ULK2: variants seen among roughly 807,000 people sequenced by gnomAD.
The protein encoded by ULK2 is unc-51 like autophagy activating kinase 2.
Under a neutral mutation model 127.5 loss-of-function variants are expected in ULK2, and 76 were observed. That is an observed-to-expected ratio of 0.60 (90% CI 0.50 to 0.72). The LOEUF is 0.72. Ranked by LOEUF, ULK2 falls within the 30% of genes least tolerant of loss-of-function variation. ULK2 has a pLI of 0.00. For synonymous variants in ULK2, 452 were observed against 461.9 expected, an observed-to-expected ratio of 0.98 and a Z score of 0.28; for missense variants, 1,144 against 1,295.9, an observed-to-expected ratio of 0.88 and a Z score of 1.80.
intron 8 of ULK2, among the ~76,000 whole-genome samples, chr17:19,841,756 C>CA (rs1238666070): frequency 2.0e-5 from 3 of 151,980 alleles, no homozygotes; most frequent in Non-Finnish European, 4.4e-5. Context: ...CATAGACTAT[C>CA]AACTTGAAAG....
chr17:19,853,545 A>G (rs1240367658), intron 3 of ULK2, among the ~76,000 whole-genome samples: 1 of 151,836 alleles, frequency 6.6e-6, no homozygotes, highest in Non-Finnish European at 1.5e-5. Flanking sequence ...AAAAGAGAAA[A>G]GAAACATTCC....
chr17:19,795,962 G>A lies in ULK2; in HGVS notation c.1997+133C>T, dbSNP rs546890007. ...TGGTTTTCAGAGATTCTAAATGTAC[G>A]TGGTACATATCAATAACCATATGGC... is the stretch of plus-strand genomic sequence containing the variant. On this transcript the variant is annotated intron_variant, in intron 19 of 26. Coordinates refer to ENST00000395544, the MANE Select transcript of ULK2 (RefSeq NM_014683.4). 5.1e-4 allele frequency: 628 copies of A among 1,243,430 alleles called. 4 individuals are homozygous for A. The East Asian group carries it at 7.7e-3, about 15-fold the overall frequency. 77.0% of individuals were successfully genotyped at this position (1,243,430 alleles called of 1,614,324 possible).
chr17:19,820,190 A>C (rs1032845933), intron 12 of ULK2, among the ~76,000 whole-genome samples: 1 of 152,006 alleles, frequency 6.6e-6, no homozygotes, highest in East Asian at 1.9e-4. Context: ...CTGGAACTAC[A>C]GGCGCGCCCC....
chr17:19,835,853 G>A (rs1290718596), intron 10 of ULK2, among the ~76,000 whole-genome samples: 1 of 152,028 alleles, frequency 6.6e-6, no homozygotes, highest in Non-Finnish European at 1.5e-5. Flanking sequence ...TAGGAACAAT[G>A]GCTCATACCT....
At chr17:19,820,537 C>T (rs570176214) in intron 12 of ULK2, among the ~76,000 whole-genome samples, 1 of 152,296 alleles carries the variant, frequency 6.6e-6, no homozygotes, top group African/African-American at 2.4e-5. Context: ...TATATTTGAG[C>T]TATCCACTAT....
At chr17:19,845,791 G>A (rs188138) in intron 6 of ULK2, among the ~76,000 whole-genome samples, 5,974 of 152,146 alleles carry the variant, frequency 0.039, 307 homozygotes, top group East Asian at 0.24. Flanking sequence ...AGATCCCTAC[G>A]TCAAAAGCCT....
At chr17:19,837,230 C>T (rs1020873917) in intron 10 of ULK2, among the ~76,000 whole-genome samples, 1 of 151,924 alleles carries the variant, frequency 6.6e-6, no homozygotes, top group Non-Finnish European at 1.5e-5. Flanking sequence ...TCAGCCTGGG[C>T]AACATGACGA....
intron 17 of ULK2, among the ~76,000 whole-genome samples, chr17:19,798,945 A>G (rs2087334205): frequency 1.3e-5 from 2 of 151,760 alleles, no homozygotes; most frequent in Non-Finnish European, 2.9e-5. Context: ...GGTGTATCAC[A>G]GGGTCAGGAG....
chr17:19,827,858 C>T (rs2041333988), intron 10 of ULK2, among the ~76,000 whole-genome samples: 3 of 151,316 alleles, frequency 2.0e-5, no homozygotes, highest in Middle Eastern at 3.4e-3. Context: ...TGCGGTGAGC[C>T]GAGAACCTGC....
chr17:19,814,700 C>A (rs1236184652), intron 13 of ULK2, among the ~76,000 whole-genome samples: 3 of 151,878 alleles, frequency 2.0e-5, no homozygotes, highest in Non-Finnish European at 4.4e-5. Context: ...GTGTGCACCA[C>A]CACGTCTGGC....
intron 18 of ULK2, among the ~76,000 whole-genome samples, 153 bp downstream of exon 18, chr17:19,797,243 G>A (rs1025273673): frequency 4.6e-5 from 7 of 152,204 alleles, no homozygotes; most frequent in Non-Finnish European, 8.8e-5. Flanking sequence ...GTTGTGATGA[G>A]CTGAGGTTGT....
chr17:19,802,911 A>G (rs138554028), intron 15 of ULK2, among the ~76,000 whole-genome samples: 2 of 152,332 alleles, frequency 1.3e-5, no homozygotes, highest in African/African-American at 4.8e-5. Flanking sequence ...AGATATTCCA[A>G]TGCTGATACA....
chr17:19,848,929 C>T (rs980732847), intron 5 of ULK2, among the ~76,000 whole-genome samples: 1 of 152,108 alleles, frequency 6.6e-6, no homozygotes, highest in Non-Finnish European at 1.5e-5. Context: ...TTAAATGTTA[C>T]CTTTAATGCC....
intron 6 of ULK2, among the ~76,000 whole-genome samples, chr17:19,846,043 T>TAGTG: frequency 6.6e-6 from 1 of 152,176 alleles, no homozygotes; most frequent in African/African-American, 2.4e-5. Flanking sequence ...GGAGAATCTC[T>TAGTG]TGAACCTGGG....
rs1051704944 is a variant in ULK2, at chr17:19,865,913, C to A, written c.91-85G>T. ...TTTACAAGCGCGAAGGTGTTTTTGG[C>A]AAATAAATGTACGGCATTGGGGAAA... On this transcript the variant is annotated intron_variant, in intron 1 of 26. Transcript: ENST00000395544. 1.4e-5 allele frequency: 10 copies of A among 735,712 alleles called. No individual in the cohort carries two copies. In the Admixed American group the frequency reaches 1.8e-4, roughly 13 times the overall value. 45.6% of individuals were successfully genotyped at this position (735,712 alleles called of 1,614,324 possible).
intron 23 of ULK2, 45 bp from the exon 24 acceptor site, chr17:19,781,149 G>A (rs750134875): frequency 1.9e-6 from 3 of 1,552,362 alleles, no homozygotes; most frequent in Non-Finnish European, 2.7e-6. Context: ...GTGAACTAAT[G>A]TAAGATGTGG....
At chr17:19,791,163 G>A (rs1303839061) in intron 20 of ULK2, among the ~76,000 whole-genome samples, 2 of 152,216 alleles carry the variant, frequency 1.3e-5, no homozygotes, top group Non-Finnish European at 2.9e-5. Context: ...GATATTTACA[G>A]AACGTTTCAC....
intron 15 of ULK2, among the ~76,000 whole-genome samples, chr17:19,802,515 A>G (rs2087422622): frequency 6.6e-6 from 1 of 152,220 alleles, no homozygotes; most frequent in Admixed American, 6.5e-5. Context: ...TATTTTTATA[A>G]ATTTCTAATG....
At chr17:19,856,126 A>C (rs1189643064) in intron 3 of ULK2, 1 of 152,198 alleles carries the variant, frequency 6.6e-6, no homozygotes, top group Non-Finnish European at 1.5e-5. Context: ...TAACAATTCC[A>C]TCACCCCAAG....
Sources: allele counts gnomAD v4.1 joint callset (sites outside exome capture counted in the v4.1 genomes callset), GRCh38; gene constraint gnomAD v4.1.1; transcripts MANE v1.5; gene names NCBI Gene and HGNC (gene_info 2026-07-23, HGNC 2026-07-21).